Variants in ROBO1 observed in about 807,000 individuals in gnomAD.
The protein encoded by ROBO1 is roundabout homolog 1.
ROBO1 carries 149 observed loss-of-function variants against 195.9 expected under a neutral mutation model. That is an observed-to-expected ratio of 0.76 (90% CI 0.67 to 0.87). The LOEUF is 0.87. Ranked by LOEUF, ROBO1 falls within the 40% of genes least tolerant of loss-of-function variation. The pLI is 0.00. For synonymous variants in ROBO1, 816 were observed against 733.2 expected, an observed-to-expected ratio of 1.11 and a Z score of -1.82; for missense variants, 1,933 against 2,068.3, an observed-to-expected ratio of 0.93 and a Z score of 1.27.
At chr3:78,615,758 T>G (rs1353031444) in intron 27 of ROBO1, among the ~76,000 whole-genome samples, 1 of 152,174 alleles carries the variant, frequency 6.6e-6, no homozygotes, top group East Asian at 1.9e-4. Flanking sequence ...CCACATATAG[T>G]GCAATCAACA....
At chr3:79,410,117 T>G (rs1394021614) in intron 2 of ROBO1, among the ~76,000 whole-genome samples, 2 of 152,186 alleles carry the variant, frequency 1.3e-5, no homozygotes, top group African/African-American at 4.8e-5. Flanking sequence ...GTCTGTAAAT[T>G]ATTAACGGAG....
intron 2 of ROBO1, among the ~76,000 whole-genome samples, chr3:79,383,498 A>T (rs1401985804): frequency 2.0e-5 from 3 of 152,030 alleles, no homozygotes; most frequent in Non-Finnish European, 4.4e-5. Context: ...TGTGATTCTT[A>T]ATTTGAGGAT....
chr3:78,651,106 T>C (rs1163934044), intron 19 of ROBO1, among the ~76,000 whole-genome samples: 1 of 152,202 alleles, frequency 6.6e-6, no homozygotes, highest in African/African-American at 2.4e-5. Context: ...ATAGTGGCCA[T>C]GTAAGCTGTC....
intron 2 of ROBO1, among the ~76,000 whole-genome samples, chr3:79,407,968 T>G (rs1292150105): frequency 2.6e-5 from 4 of 152,258 alleles, no homozygotes; most frequent in Admixed American, 2.6e-4. Flanking sequence ...TTTACAAAAT[T>G]AAATAAATCT....
At chr3:78,746,664 C>T in intron 5 of ROBO1, 79 bp downstream of exon 5, 1 of 1,214,546 alleles carries the variant, frequency 8.2e-7, no homozygotes, top group Non-Finnish European at 1.1e-6. Context: ...TAATCTACTT[C>T]ATTTTTCTCT....
intron 3 of ROBO1, among the ~76,000 whole-genome samples, chr3:78,994,466 T>C (rs901280304): frequency 1.3e-5 from 2 of 152,194 alleles, no homozygotes; most frequent in African/African-American, 4.8e-5. Flanking sequence ...TTGATGCCAT[T>C]TGTTAGGATA....
At chr3:79,495,002 T>C (rs770130645) in intron 2 of ROBO1, among the ~76,000 whole-genome samples, 5 of 149,392 alleles carry the variant, frequency 3.3e-5, no homozygotes, top group Non-Finnish European at 7.5e-5. Flanking sequence ...CCATCTGACA[T>C]AGATAGATTG....
In ROBO1 at chr3:78,754,844, C is replaced by T. The variant is rs569614279; in HGVS notation, c.500-7944G>A. On this transcript the variant is annotated intron_variant, in intron 4 of 30. Coordinates refer to ENST00000464233, the MANE Select transcript of ROBO1 (RefSeq NM_002941.4). ...AGGTGAGGGAATAGTAAGGAAGTAACAGTTAAGGTGAAGCCTGAGTAATGA... is the reference window on the plus strand; with the variant it reads ...AGGTGAGGGAATAGTAAGGAAGTAATAGTTAAGGTGAAGCCTGAGTAATGA... Among the ~76,000 whole-genome samples the T allele has an allele frequency of 7.9e-5, 12 of 152,210 alleles. 1 individual carries two copies. In the South Asian group the frequency reaches 2.5e-3, roughly 32 times the overall value.
chr3:78,971,988 G>A (rs1036138426), intron 3 of ROBO1, among the ~76,000 whole-genome samples: 15 of 152,222 alleles, frequency 9.9e-5, no homozygotes, highest in Admixed American at 4.6e-4. Context: ...GGCTGGTCTC[G>A]AACTCCTGAC....
At chr3:79,665,070 C>A (rs1042658828) in intron 1 of ROBO1, among the ~76,000 whole-genome samples, 4 of 151,754 alleles carry the variant, frequency 2.6e-5, no homozygotes, top group African/African-American at 9.7e-5. Flanking sequence ...TAATTAGGTT[C>A]CCTTTCTTTA....
intron 13 of ROBO1, 33 bp downstream of exon 13, chr3:78,668,101 A>G: frequency 6.2e-7 from 1 of 1,611,098 alleles, no homozygotes; most frequent in Non-Finnish European, 8.5e-7. Context: ...AGAATCAAAA[A>G]AGAACAACTA....
At chr3:78,925,551 T>A (rs1188961661) in intron 4 of ROBO1, among the ~76,000 whole-genome samples, 1 of 152,180 alleles carries the variant, frequency 6.6e-6, no homozygotes, top group African/African-American at 2.4e-5. Context: ...ACCTTACCCT[T>A]CAAATATAAC....
At chr3:78,602,795 C>A (rs1357522065) in intron 29 of ROBO1, among the ~76,000 whole-genome samples, 1 of 152,156 alleles carries the variant, frequency 6.6e-6, no homozygotes, top group Non-Finnish European at 1.5e-5. Flanking sequence ...TCCTCAAACT[C>A]AACCTGTTGA....
At chr3:79,443,194 A>G (rs991877305) in intron 2 of ROBO1, among the ~76,000 whole-genome samples, 2 of 152,200 alleles carry the variant, frequency 1.3e-5, no homozygotes, top group Non-Finnish European at 2.9e-5. Flanking sequence ...GAGAAAAATT[A>G]TGTACCTTAA....
intron 3 of ROBO1, 100 bp from the exon 4 acceptor site, chr3:78,939,027 T>A: frequency 1.9e-6 from 2 of 1,046,132 alleles, no homozygotes; most frequent in Non-Finnish European, 1.4e-6. Context: ...AAACACTGCA[T>A]AACATTGGCC....
At chr3:78,766,332 A>T (rs1371790605) in intron 4 of ROBO1, among the ~76,000 whole-genome samples, 1 of 152,134 alleles carries the variant, frequency 6.6e-6, no homozygotes, top group Non-Finnish European at 1.5e-5. Flanking sequence ...GAATATAAAA[A>T]TGGCTTCCCC....
At chr3:79,761,390 A>C (rs1335145541) in intron 1 of ROBO1, among the ~76,000 whole-genome samples, 1 of 152,042 alleles carries the variant, frequency 6.6e-6, no homozygotes, top group African/African-American at 2.4e-5. Context: ...AAATAATAAC[A>C]GCAAATTTAC....
chr3:79,750,290 C>T (rs1408155274), intron 1 of ROBO1, among the ~76,000 whole-genome samples: 4 of 152,166 alleles, frequency 2.6e-5, no homozygotes, highest in African/African-American at 9.7e-5. Context: ...TAGGAAGTAA[C>T]TAACTTGTTT....
chr3:79,292,340 C>A (rs1303255202), intron 2 of ROBO1, among the ~76,000 whole-genome samples: 1 of 152,178 alleles, frequency 6.6e-6, no homozygotes, highest in African/African-American at 2.4e-5. Context: ...AATTTGACTT[C>A]TTCTCTTCCT....
Sources: gnomAD v4.1 joint callset for allele counts (sites outside exome capture counted in the v4.1 genomes callset) on GRCh38, gnomAD v4.1.1 for gene constraint, MANE v1.5 for transcripts, NCBI Gene and HGNC (gene_info 2026-07-23, HGNC 2026-07-21) for gene names.